The following RSRC1 variants were observed in gnomAD, a reference collection of about 807,000 sequenced individuals.
RSRC1 encodes arginine and serine rich coiled-coil 1.
Under a neutral mutation model 49.1 loss-of-function variants are expected in RSRC1, and 39 were observed. The ratio of observed to expected loss-of-function variants is 0.79; its 90% CI spans 0.61 to 1.04. The LOEUF (loss-of-function observed/expected upper bound fraction) is 1.04, where lower values mean the gene tolerates loss of function less well. Ranked by LOEUF, RSRC1 falls within the 50% of genes least tolerant of loss-of-function variation. The probability of loss-of-function intolerance (pLI) is 0.00; values close to 1 mark genes in which losing one functional copy is unlikely to be tolerated. For missense variants in RSRC1, 388 were observed against 402.4 expected (o/e 0.96, Z 0.31); for synonymous variants, 143 against 130.8 (o/e 1.09, Z -0.63).
chr3:158,402,758 T>C (rs1231313564), intron 6 of RSRC1, among the ~76,000 whole-genome samples: 1 of 151,928 alleles, frequency 6.6e-6, no homozygotes, highest in Non-Finnish European at 1.5e-5. Context: ...TGCTGACTCA[T>C]ACTTCTATCA....
At chr3:158,399,772 A>T (rs1733807904) in intron 6 of RSRC1, among the ~76,000 whole-genome samples, 1 of 152,114 alleles carries the variant, frequency 6.6e-6, no homozygotes, top group South Asian at 2.1e-4. Flanking sequence ...ATTGTGTAAC[A>T]TTGCCTTCTC....
At chr3:158,173,872 C>G (rs1336864921) in intron 3 of RSRC1, among the ~76,000 whole-genome samples, 1 of 151,554 alleles carries the variant, frequency 6.6e-6, no homozygotes, top group Non-Finnish European at 1.5e-5. Context: ...CATACTGTAC[C>G]ATTCTATTTA....
intron 7 of RSRC1, among the ~76,000 whole-genome samples, chr3:158,526,280 G>T (rs1318018763): frequency 6.6e-6 from 1 of 151,930 alleles, no homozygotes; most frequent in African/African-American, 2.4e-5. Context: ...ATCATGTAAG[G>T]TTATCAAAGA....
At chr3:158,145,770 A>C (rs1717059098) in intron 3 of RSRC1, among the ~76,000 whole-genome samples, 1 of 152,128 alleles carries the variant, frequency 6.6e-6, no homozygotes. Flanking sequence ...ATGAACATGG[A>C]ATGTTCTTCC....
rs142800731 is a variant in RSRC1, at chr3:158,139,719, C to T, written c.320+15728C>T. 8.4e-4 allele frequency among the ~76,000 whole-genome samples: 128 copies of T among 151,742 alleles called. No individual in the cohort carries two copies. The East Asian group carries it at 0.022, about 27-fold the overall frequency. On this transcript the variant is annotated intron_variant, in intron 3 of 9. Coordinates refer to ENST00000611884, the MANE Select transcript of RSRC1 (RefSeq NM_001271838.2). ...CATGATCTCGGCTTACTGCAACCTCCGCCTCCCAGGCTCAAGTGATTCTCT... is the reference window on the plus strand; with the variant it reads ...CATGATCTCGGCTTACTGCAACCTCTGCCTCCCAGGCTCAAGTGATTCTCT...
At chr3:158,216,255 A>G (rs1161065589) in intron 4 of RSRC1, among the ~76,000 whole-genome samples, 1 of 151,318 alleles carries the variant, frequency 6.6e-6, no homozygotes, top group Non-Finnish European at 1.5e-5. Flanking sequence ...CAGTTTTACT[A>G]TGATGTGGCA....
At chr3:158,194,190 C>G (rs1559936875) in intron 3 of RSRC1, among the ~76,000 whole-genome samples, 1 of 151,934 alleles carries the variant, frequency 6.6e-6, no homozygotes, top group Non-Finnish European at 1.5e-5. Context: ...GGGAGGATCA[C>G]TTGAGTCAAG....
At chr3:158,359,307 A>G (rs1731343915) in intron 6 of RSRC1, among the ~76,000 whole-genome samples, 1 of 152,222 alleles carries the variant, frequency 6.6e-6, no homozygotes, top group African/African-American at 2.4e-5. Context: ...AGCGAAAGAT[A>G]ATAACTGCCA....
chr3:158,507,966 A>T (rs186858710), intron 7 of RSRC1, among the ~76,000 whole-genome samples: 1 of 152,260 alleles, frequency 6.6e-6, no homozygotes, highest in Non-Finnish European at 1.5e-5. Context: ...CTAGCTACTC[A>T]GGAGGCTCAG....
At chr3:158,458,912 A>G (rs1298683860) in intron 6 of RSRC1, among the ~76,000 whole-genome samples, 9 of 152,202 alleles carry the variant, frequency 5.9e-5, no homozygotes, top group African/African-American at 2.2e-4. Context: ...TCAGAAAGAC[A>G]AAAAGAACAT....
chr3:158,512,168 T>C (rs1370329846), intron 7 of RSRC1, among the ~76,000 whole-genome samples: 6 of 148,820 alleles, frequency 4.0e-5, no homozygotes, highest in Admixed American at 4.0e-4. Flanking sequence ...CTTTTGGTGT[T>C]TTAGACATGA....
chr3:158,178,542 CA>C (rs958756747), intron 3 of RSRC1, among the ~76,000 whole-genome samples: 12 of 152,088 alleles, frequency 7.9e-5, no homozygotes, highest in African/African-American at 2.7e-4. Flanking sequence ...GCTTATTGAC[CA>C]AAAAACTGTT....
chr3:158,157,972 AT>A (rs1000314399), intron 3 of RSRC1, among the ~76,000 whole-genome samples: 1 of 151,694 alleles, frequency 6.6e-6, no homozygotes, highest in Non-Finnish European at 1.5e-5. Flanking sequence ...GGTTTTACTG[AT>A]TTTTTTTAAC....
intron 5 of RSRC1, among the ~76,000 whole-genome samples, chr3:158,299,144 A>T (rs1163835094): frequency 6.6e-6 from 1 of 152,088 alleles, no homozygotes; most frequent in Non-Finnish European, 1.5e-5. Context: ...TTTCATCATT[A>T]AAAAATATTT....
intron 5 of RSRC1, among the ~76,000 whole-genome samples, chr3:158,301,332 T>G (rs1289869392): frequency 6.6e-6 from 1 of 152,174 alleles, no homozygotes; most frequent in Non-Finnish European, 1.5e-5. Context: ...GATTTTCCAA[T>G]TCTACTGCTC....
chr3:158,417,194 T>G (rs1039147576), intron 6 of RSRC1, among the ~76,000 whole-genome samples: 3 of 152,064 alleles, frequency 2.0e-5, no homozygotes, highest in African/African-American at 7.2e-5. Flanking sequence ...CACAGAACTT[T>G]ATGCTGTTAT....
intron 4 of RSRC1, among the ~76,000 whole-genome samples, chr3:158,227,384 C>T (rs968433836): frequency 2.6e-5 from 4 of 151,858 alleles, no homozygotes; most frequent in African/African-American, 7.3e-5. Flanking sequence ...TGCTTTCTAC[C>T]GTTCCTTCCC....
At chr3:158,518,888 C>T (rs956493895) in intron 7 of RSRC1, among the ~76,000 whole-genome samples, 4 of 152,120 alleles carry the variant, frequency 2.6e-5, no homozygotes, top group African/African-American at 9.7e-5. Flanking sequence ...TACAGGAACT[C>T]AGTCTTTTTC....
chr3:158,389,647 A>T (rs1011016899), intron 6 of RSRC1, among the ~76,000 whole-genome samples: 2 of 152,232 alleles, frequency 1.3e-5, no homozygotes, highest in Admixed American at 6.5e-5. Context: ...TTTACTTAGT[A>T]GGCGAGTTCT....
Sources: gnomAD v4.1 joint callset for allele counts (sites outside exome capture counted in the v4.1 genomes callset) on GRCh38, gnomAD v4.1.1 for gene constraint, MANE v1.5 for transcripts, NCBI Gene and HGNC (gene_info 2026-07-23, HGNC 2026-07-21) for gene names.